The following BABAM2 variants were observed in gnomAD, a reference collection of about 807,000 sequenced individuals.
The protein encoded by BABAM2 is BRISC and BRCA1-A complex member 2.
In BABAM2, 31 loss-of-function variants were observed where a neutral mutation model predicts 54.7. The ratio of observed to expected loss-of-function variants is 0.57; its 90% confidence interval spans 0.43 to 0.77. The LOEUF is 0.77. Among genes scored for constraint, BABAM2 ranks in the 30% least tolerant of loss-of-function variants. The pLI, the probability that BABAM2 is intolerant of heterozygous loss-of-function variation, is 0.00. For missense variants in BABAM2, 364 were observed against 455.8 expected, an observed-to-expected ratio of 0.80 and a Z score of 1.83; for synonymous variants, 167 against 162.9, an observed-to-expected ratio of 1.03 and a Z score of -0.19.
At chr2:28,310,146 T>C in intron 11 of BABAM2, 2 of 1,614,040 alleles carry the variant, frequency 1.2e-6, no homozygotes, top group Non-Finnish European at 1.7e-6. Flanking sequence ...CCTCTCCAAA[T>C]TGCATAGGTC....
At chr2:28,238,595 C>T (rs1047814695) in intron 8 of BABAM2, among the ~76,000 whole-genome samples, 1 of 152,214 alleles carries the variant, frequency 6.6e-6, no homozygotes, top group Non-Finnish European at 1.5e-5. Context: ...GGGCCTGGCA[C>T]AGATTCCAGG....
At chr2:28,215,909 C>T (rs1188828443) in intron 7 of BABAM2, among the ~76,000 whole-genome samples, 1 of 152,174 alleles carries the variant, frequency 6.6e-6, no homozygotes, top group African/African-American at 2.4e-5. Context: ...CTCAGGGTAG[C>T]CCCACTCATG....
chr2:28,043,226 G>A (rs1181873596), intron 5 of BABAM2, among the ~76,000 whole-genome samples: 1 of 150,894 alleles, frequency 6.6e-6, no homozygotes, highest in Non-Finnish European at 1.5e-5. Flanking sequence ...CCTCCTCCTG[G>A]TTCAAGGGAT....
At chr2:28,227,042 G>C (rs1161983789) in intron 7 of BABAM2, among the ~76,000 whole-genome samples, 1 of 152,158 alleles carries the variant, frequency 6.6e-6, no homozygotes, top group Non-Finnish European at 1.5e-5. Flanking sequence ...CTGAGTTCAA[G>C]AAAGGCCTGA....
rs184558888 is a variant in BABAM2 at position 28,013,931 on chromosome 2, T to A, written c.301-11295T>A. Reference sequence around the variant, plus strand: ...AGCTCCACTCTGCTTATCGTTAAGATATGTAGGATTTAAGAAGATAAATCC... The same window carrying A: ...AGCTCCACTCTGCTTATCGTTAAGAAATGTAGGATTTAAGAAGATAAATCC... On this transcript the variant is annotated intron_variant, in intron 4 of 11. Coordinates refer to ENST00000379624, the MANE Select transcript of BABAM2 (RefSeq NM_199191.3). 7.2e-5 allele frequency among the ~76,000 whole-genome samples: 11 copies of A among 152,262 alleles called. No homozygotes were observed. In the East Asian group the frequency reaches 2.1e-3, roughly 29 times the overall value.
chr2:28,209,809 T>C (rs192120188), intron 7 of BABAM2, among the ~76,000 whole-genome samples: 1 of 152,326 alleles, frequency 6.6e-6, no homozygotes, highest in African/African-American at 2.4e-5. Context: ...GATTGAGATA[T>C]AGACATGTTT....
At chr2:28,051,604 G>A (rs576077442) in intron 6 of BABAM2, among the ~76,000 whole-genome samples, 45 of 151,580 alleles carry the variant, frequency 3.0e-4, no homozygotes, top group Middle Eastern at 3.4e-3. Context: ...GAGAATTGTC[G>A]TATATGTAGA....
At chr2:28,262,415 A>T (rs7604676) in intron 10 of BABAM2, among the ~76,000 whole-genome samples, 36,670 of 152,020 alleles carry the variant, frequency 0.24, 5,644 homozygotes, top group Non-Finnish European at 0.35. Flanking sequence ...CAGGGACCTA[A>T]AAAGACAGTC....
At chr2:27,890,188 A>T, upstream of BABAM2, 1 of 1,476,822 alleles carries the variant, frequency 6.8e-7, no homozygotes, top group Non-Finnish European at 9.4e-7. This position sits in a 1 kb window ranked among gnomAD's most constrained non-coding sequence, Gnocchi z 4.8. Context: ...CAAAAGCTCC[A>T]CTGGGCGCAT....
chr2:28,054,127 G>A (rs368592842), intron 6 of BABAM2, among the ~76,000 whole-genome samples: 2 of 152,092 alleles, frequency 1.3e-5, no homozygotes, highest in African/African-American at 4.8e-5. Flanking sequence ...GTAGTTTGTG[G>A]ATCCCTTTTC....
chr2:28,148,283 T>C (rs1671692416), intron 7 of BABAM2, among the ~76,000 whole-genome samples: 1 of 152,234 alleles, frequency 6.6e-6, no homozygotes, highest in Admixed American at 6.5e-5. Flanking sequence ...CAGAGGCATG[T>C]GCTTTGGTGC....
chr2:28,283,588 T>C (rs1572340731), intron 10 of BABAM2, among the ~76,000 whole-genome samples: 1 of 152,248 alleles, frequency 6.6e-6, no homozygotes, highest in African/African-American at 2.4e-5. Flanking sequence ...CCTTGCAGTT[T>C]AACTACCCAG....
intron 5 of BABAM2, among the ~76,000 whole-genome samples, chr2:28,032,040 A>G (rs549821894): frequency 1.2e-4 from 19 of 152,330 alleles, no homozygotes; most frequent in African/African-American, 3.4e-4. Context: ...ATAAGAATCA[A>G]TAGGTTCTTC....
chr2:28,319,474 C>A (rs567630000), intron 11 of BABAM2, among the ~76,000 whole-genome samples: 2 of 152,228 alleles, frequency 1.3e-5, no homozygotes, highest in African/African-American at 4.8e-5. Context: ...CAGCTCCCTG[C>A]GCCTCTTGTA....
intron 3 of BABAM2, among the ~76,000 whole-genome samples, chr2:27,968,863 T>C (rs1482991244): frequency 2.0e-5 from 3 of 152,232 alleles, no homozygotes; most frequent in Non-Finnish European, 4.4e-5. Context: ...CATGAGACTT[T>C]GGATGCCAAA....
intron 7 of BABAM2, among the ~76,000 whole-genome samples, chr2:28,154,785 G>T (rs1261830477): frequency 6.6e-6 from 1 of 152,122 alleles, no homozygotes; most frequent in Non-Finnish European, 1.5e-5. Flanking sequence ...TTAAATAAAA[G>T]ATTTCTTCAA....
chr2:28,192,974 ACCAG>A (rs890461872), intron 7 of BABAM2, among the ~76,000 whole-genome samples: 3 of 151,658 alleles, frequency 2.0e-5, no homozygotes, highest in African/African-American at 7.3e-5. Context: ...GGAGTTCGAG[ACCAG>A]CCTGGCCAAC....
At chr2:27,983,894 G>C (rs1426210800) in intron 3 of BABAM2, among the ~76,000 whole-genome samples, 1 of 73,748 alleles carries the variant, frequency 1.4e-5, no homozygotes, top group Non-Finnish European at 3.2e-5. Flanking sequence ...TATGTCATCT[G>C]TAGATAGAGA....
chr2:28,317,462 T>A (rs957895021), intron 11 of BABAM2, among the ~76,000 whole-genome samples: 2 of 152,214 alleles, frequency 1.3e-5, no homozygotes, highest in Non-Finnish European at 2.9e-5. Flanking sequence ...ATGGTGTCAC[T>A]GGCAAGGTGG....
Sources: allele counts gnomAD v4.1 joint callset (sites outside exome capture counted in the v4.1 genomes callset), GRCh38; gene constraint gnomAD v4.1.1; non-coding constraint Gnocchi (gnomAD v3.1); transcripts MANE v1.5; gene names NCBI Gene and HGNC (gene_info 2026-07-23, HGNC 2026-07-21).